RPAP2: variants seen among roughly 807,000 people sequenced by gnomAD.
RPAP2 encodes putative RNA polymerase II subunit B1 CTD phosphatase RPAP2.
A neutral mutation model predicts 73.1 loss-of-function variants in RPAP2; 52 were observed. The observed-to-expected ratio is 0.71, with a 90% CI of 0.57 to 0.90. RPAP2 has a LOEUF of 0.90. Among genes scored for constraint, RPAP2 ranks in the 40% least tolerant of loss-of-function variants. The pLI, the probability that RPAP2 is intolerant of heterozygous loss-of-function variation, is 0.00. For synonymous variants in RPAP2, 225 were observed against 242.1 expected (o/e 0.93, Z 0.65); for missense variants, 598 against 701.8 (o/e 0.85, Z 1.67).
rs751055550 is a variant in RPAP2 at position 92,378,184 on chromosome 1, TATTCATTC to T, written c.1689-2512_1689-2505del. On this transcript the variant is annotated intron_variant, in intron 11 of 12. Transcript: ENST00000610020. ...TGTGTCAAATAAGTACCACTTTATT[TATTCATTC>T]ATTCATTCATTCATTCATTCATTCA... 3.4e-3 allele frequency among the ~76,000 whole-genome samples: 509 copies of T among 151,634 alleles called. 4 individuals carry two copies. Among genetic ancestry groups the T allele is most frequent in the African/African-American group, 0.011 (460 of 41,172 alleles).
At chr1:92,365,922 G>A (rs954874391) in intron 11 of RPAP2, among the ~76,000 whole-genome samples, 1 of 152,072 alleles carries the variant, frequency 6.6e-6, no homozygotes, top group Admixed American at 6.6e-5. Context: ...AAAGTCACTT[G>A]AGCCTCAACA....
At chr1:92,354,119 C>T (rs1654345504) in intron 11 of RPAP2, among the ~76,000 whole-genome samples, 2 of 152,124 alleles carry the variant, frequency 1.3e-5, no homozygotes, top group African/African-American at 2.4e-5. Flanking sequence ...GCAGTTGGCC[C>T]TTGCAAATCA....
At chr1:92,325,528 T>A (rs1652575066) in intron 8 of RPAP2, among the ~76,000 whole-genome samples, 1 of 152,054 alleles carries the variant, frequency 6.6e-6, no homozygotes, top group South Asian at 2.1e-4. Flanking sequence ...AAGGAAAAAA[T>A]AATCCCTGAA....
intron 2 of RPAP2, among the ~76,000 whole-genome samples, chr1:92,300,441 C>T: frequency 6.6e-6 from 1 of 152,108 alleles, no homozygotes. Flanking sequence ...CCAAACTAAG[C>T]ACTCAGACTG....
At chr1:92,331,846 T>G (rs1652990067) in intron 8 of RPAP2, among the ~76,000 whole-genome samples, 1 of 152,164 alleles carries the variant, frequency 6.6e-6, no homozygotes, top group Admixed American at 6.5e-5. Flanking sequence ...TTTCTCAGTT[T>G]TTCTTTGTCA....
rs1452444234 is a variant in RPAP2 at position 92,392,620 on chromosome 1, G to T, written c.*5609G>T. On this transcript the variant is annotated 3_prime_UTR_variant, in exon 13 of 13. Transcript: ENST00000610020. ...GTCTCTGTTTGCAGATGACATGATTGTATATTTAGAAAACCCCATCGTCTC... is the reference window on the plus strand; with the variant it reads ...GTCTCTGTTTGCAGATGACATGATTTTATATTTAGAAAACCCCATCGTCTC... 6.6e-6 allele frequency: 1 copy of T among 152,174 alleles called. No homozygotes were observed. The highest frequency in any genetic ancestry group is 2.4e-5 in the African/African-American group (1 of 41,448). The allele number at this position is 152,174 out of a possible 1,614,324, so 9.4% of individuals were successfully genotyped here. A position where few individuals can be genotyped will look rare whatever the true frequency, so the allele number is the denominator to read the frequency against.
At chr1:92,353,735 C>T (rs1039517099) in intron 11 of RPAP2, among the ~76,000 whole-genome samples, 3 of 152,060 alleles carry the variant, frequency 2.0e-5, no homozygotes, top group Admixed American at 6.6e-5. Context: ...GAGGATTAAG[C>T]AATAATTAGA....
At position 92,392,282 on chromosome 1, in the gene RPAP2, C is replaced by A. The variant is rs1295332793; in HGVS notation, c.*5271C>A. 1.3e-5 allele frequency: 2 copies of A among 152,126 alleles called. No homozygotes were observed. The highest frequency in any genetic ancestry group is 4.8e-5 in the African/African-American group (2 of 41,400). 9.4% of individuals were successfully genotyped at this position (152,126 alleles called of 1,614,324 possible). On this transcript the variant is annotated 3_prime_UTR_variant, in exon 13 of 13. Coordinates refer to ENST00000610020, the MANE Select transcript of RPAP2 (RefSeq NM_024813.3). ...ACATAAACAGAACCAACGGCAAAAA[C>A]CACATGATTATCTCAATAGATACAA...
chr1:92,313,754 G>A (rs1651734657), intron 6 of RPAP2, among the ~76,000 whole-genome samples: 1 of 152,100 alleles, frequency 6.6e-6, no homozygotes, highest in Non-Finnish European at 1.5e-5. Context: ...TCCAATATAA[G>A]GCTGATTTGT....
In RPAP2 at chr1:92,333,481, T is replaced by C. The variant is rs1653095537; in HGVS notation, c.1538+8T>C. ...TGAAAAGTTGAGTAAAGTGTAAGTA[T>C]GTAATTGCCATTCCAGCTTTGTAGT... On this transcript the variant is annotated splice_region_variant and intron_variant, in intron 9 of 12. Coordinates refer to ENST00000610020, the MANE Select transcript of RPAP2 (RefSeq NM_024813.3). 4 of 1,593,958 alleles carry C rather than the reference T, an allele frequency of 2.5e-6. No homozygotes were observed. Among genetic ancestry groups the C allele is most frequent in the Non-Finnish European group, 3.4e-6 (4 of 1,161,978 alleles).
intron 10 of RPAP2, among the ~76,000 whole-genome samples, chr1:92,338,491 T>G (rs1435530951): frequency 6.6e-6 from 1 of 152,168 alleles, no homozygotes; most frequent in Non-Finnish European, 1.5e-5. Context: ...ATTTAACAAC[T>G]GTCTACACTG....
chr1:92,326,654 G>A (rs994797651), intron 8 of RPAP2, among the ~76,000 whole-genome samples: 1 of 152,210 alleles, frequency 6.6e-6, no homozygotes, highest in African/African-American at 2.4e-5. Context: ...GGGGATGGGA[G>A]TGTGGTTCCC....
In RPAP2 at chr1:92,312,668, T is replaced by G. The variant is rs1314048426; in HGVS notation, c.488+5392T>G. On this transcript the variant is annotated intron_variant, in intron 6 of 12. Coordinates refer to ENST00000610020, the MANE Select transcript of RPAP2 (RefSeq NM_024813.3). ...TCAAGCTCCACTTCTAATTCTTATC[T>G]TGCTATTTCCACCATATCCATAGTG... Among the ~76,000 whole-genome samples the G allele has an allele frequency of 1.5e-4, 23 of 152,184 alleles. 1 individual carries two copies. The highest frequency in any genetic ancestry group is 1.5e-3 in the Admixed American group (23 of 15,268).
chr1:92,312,777 T>C (rs1651669230), intron 6 of RPAP2, among the ~76,000 whole-genome samples: 1 of 152,170 alleles, frequency 6.6e-6, no homozygotes. Context: ...TTAATGTTGA[T>C]ATTTTGGCCT....
chr1:92,340,460 C>T lies in RPAP2; in HGVS notation c.1619+4033C>T, dbSNP rs559917670. Among the ~76,000 whole-genome samples, 3 of 152,216 alleles carry T rather than the reference C, an allele frequency of 2.0e-5. No homozygotes were observed. In the South Asian group the frequency reaches 6.2e-4, roughly 32 times the overall value. On this transcript the variant is annotated intron_variant, in intron 10 of 12. Transcript: ENST00000610020. ...AATACTGATAGTGGGAAAGAGTTGA[C>T]ATAAATAACCATATCCTTCTCTCTG...
intron 7 of RPAP2, 82 bp downstream of exon 7, chr1:92,320,716 T>G: frequency 4.6e-6 from 5 of 1,082,680 alleles, no homozygotes; most frequent in Non-Finnish European, 6.9e-6. Flanking sequence ...ATATGAGCTC[T>G]TGGACTTCCT....
chr1:92,378,529 T>C (rs930150543), intron 11 of RPAP2, among the ~76,000 whole-genome samples: 1 of 152,148 alleles, frequency 6.6e-6, no homozygotes, highest in African/African-American at 2.4e-5. Context: ...ACTTTAAATA[T>C]AAACAAAAGC....
intron 10 of RPAP2, among the ~76,000 whole-genome samples, chr1:92,338,668 A>T (rs1163686409): frequency 3.6e-5 from 4 of 112,368 alleles, no homozygotes; most frequent in Admixed American, 8.9e-5. Flanking sequence ...TTTTTTTTTT[A>T]AAGACAGGGT....
chr1:92,362,190 T>A (rs1654761054), intron 11 of RPAP2, among the ~76,000 whole-genome samples: 1 of 152,222 alleles, frequency 6.6e-6, no homozygotes, highest in Non-Finnish European at 1.5e-5. Flanking sequence ...AAATTCAAGA[T>A]CCTGATCACC....
Sources: allele counts gnomAD v4.1 joint callset (sites outside exome capture counted in the v4.1 genomes callset), GRCh38; gene constraint gnomAD v4.1.1; transcripts MANE v1.5; gene names NCBI Gene and HGNC (gene_info 2026-07-23, HGNC 2026-07-21).